Variants in SLC44A5 observed in about 807,000 individuals in gnomAD.
The protein encoded by SLC44A5 is solute carrier family 44 member 5, also known as choline transporter-like protein 5.
In SLC44A5, 57 loss-of-function variants were observed where a neutral mutation model predicts 101.8. The observed-to-expected ratio is 0.56, with a 90% CI of 0.45 to 0.70. The LOEUF (loss-of-function observed/expected upper bound fraction) is 0.70, where lower values mean the gene tolerates loss of function less well. Among genes scored for constraint, SLC44A5 ranks in the 30% least tolerant of loss-of-function variants. The pLI is 0.00. For missense variants in SLC44A5, 737 were observed against 853.1 expected (o/e 0.86, Z 1.70); for synonymous variants, 281 against 290.9 (o/e 0.97, Z 0.35).
chr1:75,340,332 T>C (rs1347277421), intron 3 of SLC44A5, among the ~76,000 whole-genome samples: 1 of 152,156 alleles, frequency 6.6e-6, no homozygotes, highest in Non-Finnish European at 1.5e-5. Context: ...TAACAAATTA[T>C]GTAAAGTCAT....
At chr1:75,474,382 T>G (rs1438942866) in intron 2 of SLC44A5, among the ~76,000 whole-genome samples, 1 of 152,194 alleles carries the variant, frequency 6.6e-6, no homozygotes, top group African/African-American at 2.4e-5. Flanking sequence ...ATTATCTCTA[T>G]ATATACTTAC....
chr1:75,620,229 T>C, the SLC44A5 span, among the ~76,000 whole-genome samples: 1 of 152,188 alleles, frequency 6.6e-6, no homozygotes, highest in Admixed American at 6.5e-5. Context: ...ATCCAGTCTA[T>C]CACTGTTGGG....
At chr1:75,679,841 C>A in the SLC44A5 span, among the ~76,000 whole-genome samples, 1 of 152,182 alleles carries the variant, frequency 6.6e-6, no homozygotes, top group Middle Eastern at 3.4e-3. Flanking sequence ...AGTCAAGACC[C>A]ATCAGTGTGC....
At chr1:75,668,315 CT>C in the SLC44A5 span, among the ~76,000 whole-genome samples, 308 of 65,076 alleles carry the variant, frequency 4.7e-3, 2 homozygotes, top group African/African-American at 0.013. Flanking sequence ...TCCTAGGAGC[CT>C]TTTTTTTTTT....
At chr1:75,264,462 T>C (rs1001023755) in intron 6 of SLC44A5, among the ~76,000 whole-genome samples, 4 of 152,174 alleles carry the variant, frequency 2.6e-5, no homozygotes, top group African/African-American at 9.7e-5. Context: ...TAGACCACAA[T>C]AGAATACAAT....
the SLC44A5 span, among the ~76,000 whole-genome samples, chr1:75,636,834 G>A: frequency 1.2e-4 from 18 of 152,130 alleles, no homozygotes; most frequent in South Asian, 2.1e-4. Flanking sequence ...TTCTATAAAA[G>A]AAAATAGAGA....
intron 1 of SLC44A5, among the ~76,000 whole-genome samples, chr1:75,562,758 A>G (rs961594151): frequency 6.6e-6 from 1 of 152,090 alleles, no homozygotes; most frequent in Non-Finnish European, 1.5e-5. Context: ...CCTTATGCCA[A>G]TTCAGGATCT....
At chr1:75,467,136 C>T (rs1172139583) in intron 2 of SLC44A5, among the ~76,000 whole-genome samples, 1 of 151,772 alleles carries the variant, frequency 6.6e-6, no homozygotes, top group South Asian at 2.1e-4. Flanking sequence ...AACTGAAAGA[C>T]CTCTATAATG....
chr1:75,228,623 ACTT>A (rs1557549418), intron 12 of SLC44A5, among the ~76,000 whole-genome samples: 3 of 151,194 alleles, frequency 2.0e-5, no homozygotes. Context: ...TTGTGTCTAT[ACTT>A]CTTTTCTTCC....
intron 12 of SLC44A5, among the ~76,000 whole-genome samples, chr1:75,229,629 G>A (rs1039663664): frequency 6.6e-6 from 1 of 152,088 alleles, no homozygotes; most frequent in Non-Finnish European, 1.5e-5. Context: ...GCCCTACCAT[G>A]GCATTCTCAA....
At chr1:75,623,068 A>C in the SLC44A5 span, among the ~76,000 whole-genome samples, 14 of 152,174 alleles carry the variant, frequency 9.2e-5, no homozygotes, top group Admixed American at 9.2e-4. Context: ...GTAAAACTAT[A>C]TGCCAGTCGT....
intron 2 of SLC44A5, among the ~76,000 whole-genome samples, chr1:75,402,201 A>G (rs773733597): frequency 6.6e-6 from 1 of 152,206 alleles, no homozygotes; most frequent in African/African-American, 2.4e-5. Context: ...GACAAATGAG[A>G]TAATGTTCTG....
chr1:75,302,355 C>T (rs1260317821), intron 4 of SLC44A5, among the ~76,000 whole-genome samples: 1 of 151,900 alleles, frequency 6.6e-6, no homozygotes, highest in African/African-American at 2.4e-5. Context: ...TTTTTCAAAG[C>T]CCTGGTGTGT....
chr1:75,293,978 A>C (rs528366537), intron 5 of SLC44A5, among the ~76,000 whole-genome samples: 2 of 152,334 alleles, frequency 1.3e-5, no homozygotes, highest in Non-Finnish European at 2.9e-5. Flanking sequence ...TAAAAAATGC[A>C]AAAGGACATT....
chr1:75,665,896 T>C, the SLC44A5 span, among the ~76,000 whole-genome samples: 2 of 152,078 alleles, frequency 1.3e-5, no homozygotes, highest in Non-Finnish European at 2.9e-5. Context: ...ATCAGAGAAA[T>C]GCACATCAAA....
chr1:75,712,638 C>T, the SLC44A5 span, among the ~76,000 whole-genome samples: 3 of 113,086 alleles, frequency 2.7e-5, no homozygotes, highest in Non-Finnish European at 5.1e-5. Flanking sequence ...TTTATAAAAA[C>T]ATAATGTAAT....
chr1:75,274,950 A>C lies in SLC44A5; in HGVS notation c.260+8T>G. On this transcript the variant is annotated splice_region_variant and intron_variant, in intron 6 of 23. Transcript: ENST00000370859. ...AAAATCACACAAAGCAAAGGTGGCC[A>C]TACTCACTCATTGGGAGTGCCCTTC... 6.2e-7 allele frequency: 1 copy of C among 1,609,364 alleles called. No individual in the cohort carries two copies. Among genetic ancestry groups the C allele is most frequent in the South Asian group, 1.1e-5 (1 of 90,472 alleles).
chr1:75,232,244 A>G (rs937689393), intron 12 of SLC44A5, among the ~76,000 whole-genome samples: 1 of 152,078 alleles, frequency 6.6e-6, no homozygotes, highest in Non-Finnish European at 1.5e-5. Context: ...CCTTTTTGCC[A>G]TTGTCAAAAC....
chr1:75,304,314 G>T (rs7539096), intron 4 of SLC44A5, among the ~76,000 whole-genome samples: 104 of 26,876 alleles, frequency 3.9e-3, no homozygotes, highest in Admixed American at 9.8e-3. Context: ...GTGTGTGTGT[G>T]TGTGTGTGTG....
Sources: allele counts gnomAD v4.1 joint callset (sites outside exome capture counted in the v4.1 genomes callset), GRCh38; gene constraint gnomAD v4.1.1; transcripts MANE v1.5; gene names NCBI Gene and HGNC (gene_info 2026-07-23, HGNC 2026-07-21).